Variants in RPN2 observed in about 807,000 individuals in gnomAD.
The protein encoded by RPN2 is ribophorin II.
RPN2 carries 29 observed loss-of-function variants against 71.4 expected under a neutral mutation model. The ratio of observed to expected loss-of-function variants is 0.41; its 90% confidence interval spans 0.30 to 0.55. The LOEUF (loss-of-function observed/expected upper bound fraction) is 0.55. RPN2 is among the 20% of genes least tolerant of loss of function. The probability of loss-of-function intolerance (pLI) is 0.35; values close to 1 mark genes in which losing one functional copy is unlikely to be tolerated. For missense variants in RPN2, 726 were observed against 774.1 expected (o/e 0.94, Z 0.74); for synonymous variants, 308 against 305.0 (o/e 1.01, Z -0.10).
chr20:37,236,758 A>G, intron 16 of RPN2, 49 bp downstream of exon 16: 1 of 1,580,086 alleles, frequency 6.3e-7, no homozygotes, highest in South Asian at 1.1e-5. Context: ...AGAAATACTC[A>G]GCTCTGCCGG....
intron 8 of RPN2, 49 bp from the exon 9 acceptor site, chr20:37,213,711 A>T: frequency 7.1e-7 from 1 of 1,401,504 alleles, no homozygotes; most frequent in Non-Finnish European, 1.0e-6. Context: ...TGTTATATCC[A>T]TGACTTTCCT....
chr20:37,197,790 G>C (rs923969616), intron 2 of RPN2, among the ~76,000 whole-genome samples: 1 of 151,956 alleles, frequency 6.6e-6, no homozygotes, highest in Non-Finnish European at 1.5e-5. Flanking sequence ...TGGAGATGGG[G>C]TCTTACCATG....
rs539771131 is a variant in RPN2, at chr20:37,180,295, G to A, written c.13+926G>A. 5.3e-5 allele frequency among the ~76,000 whole-genome samples: 8 copies of A among 152,340 alleles called. No individual in the cohort carries two copies. In the South Asian group the frequency reaches 1.7e-3, roughly 32 times the overall value. ...AGACTTTGGATTCAAATTGCCTGAA[G>A]TTTGATTTTCAGTGATGTGTCCTAG... On this transcript the variant is annotated intron_variant, in intron 1 of 16. Coordinates refer to ENST00000237530, the MANE Select transcript of RPN2 (RefSeq NM_002951.5).
chr20:37,218,592 G>C (rs575904583), intron 9 of RPN2, among the ~76,000 whole-genome samples: 1 of 151,794 alleles, frequency 6.6e-6, no homozygotes, highest in South Asian at 2.1e-4. Context: ...AGTGTTTTTA[G>C]TATTTTCACA....
chr20:37,226,084 C>G (rs2068068641), intron 11 of RPN2, among the ~76,000 whole-genome samples: 1 of 152,124 alleles, frequency 6.6e-6, no homozygotes, highest in African/African-American at 2.4e-5. Flanking sequence ...CTTCCTCCCT[C>G]CCTCCCTCAG....
intron 16 of RPN2, among the ~76,000 whole-genome samples, chr20:37,236,949 GA>G (rs1001412440): frequency 6.0e-4 from 36 of 59,546 alleles, no homozygotes; most frequent in Admixed American, 1.7e-3. Context: ...AATGAGAGAG[GA>G]AAATTATTAG....
rs144948105 is a variant in RPN2 at position 37,210,089 on chromosome 20, A to G, written c.910A>G (p.Thr304Ala). 3.1e-6 allele frequency: 5 copies of G among 1,614,030 alleles called. No individual in the cohort carries two copies. In the African/African-American group the frequency reaches 5.3e-5, roughly 17 times the overall value. The change falls in exon 8 of 17, where the codon ACT becomes GCT. Residue 304 changes from threonine (T) to alanine (A), a missense_variant. By Grantham distance (58) the Thr-to-Ala change is moderately conservative. Transcript: ENST00000237530. ...NVLSQPLTQATVKLEHAKSVA... is the reference protein window; with the variant it reads ...NVLSQPLTQAAVKLEHAKSVA... ...TCTGTCTCAGCCTCTGACTCAGGCC[A>G]CTGTTAAACTAGAACATGCTAAATC...
chr20:37,225,121 C>G (rs2068047496), intron 10 of RPN2, among the ~76,000 whole-genome samples: 2 of 152,176 alleles, frequency 1.3e-5, no homozygotes, highest in South Asian at 4.1e-4. Flanking sequence ...AAGTTTTCCT[C>G]ATCAAGTCTG....
intron 2 of RPN2, among the ~76,000 whole-genome samples, chr20:37,194,255 ATTG>A (rs71843863): frequency 0.74 from 110,924 of 150,038 alleles, 41,457 homozygotes; most frequent in Middle Eastern, 0.85. Context: ...GTTGAGGGAA[ATTG>A]TTGTTGTTGT....
At chr20:37,210,021 A>G (rs2067619197) in intron 7 of RPN2, 26 bp from the exon 8 acceptor site, 2 of 1,611,974 alleles carry the variant, frequency 1.2e-6, no homozygotes, top group Non-Finnish European at 1.7e-6. Context: ...CTTTGTTGTA[A>G]CAAATAATTT....
At chr20:37,240,356 A>G (rs2068520048) in intron 16 of RPN2, among the ~76,000 whole-genome samples, 1 of 152,258 alleles carries the variant, frequency 6.6e-6, no homozygotes, top group African/African-American at 2.4e-5. Context: ...TGTACCTAAG[A>G]ACCTCTGAAT....
At chr20:37,231,085 A>T (rs2068230857) in intron 13 of RPN2, among the ~76,000 whole-genome samples, 1 of 152,056 alleles carries the variant, frequency 6.6e-6, no homozygotes, top group Non-Finnish European at 1.5e-5. Context: ...TTGCATAATG[A>T]GTTACAGCTT....
At chr20:37,238,989 A>T (rs1385488133) in intron 16 of RPN2, among the ~76,000 whole-genome samples, 2 of 152,162 alleles carry the variant, frequency 1.3e-5, no homozygotes, top group African/African-American at 4.8e-5. Flanking sequence ...CACTCAGGGT[A>T]TGTTAAAAGG....
chr20:37,206,909 CTA>C (rs1399822545), intron 6 of RPN2, among the ~76,000 whole-genome samples: 5 of 152,148 alleles, frequency 3.3e-5, no homozygotes, highest in African/African-American at 9.6e-5. Flanking sequence ...GGGTTTTTCT[CTA>C]TGTTAGTCAG....
At chr20:37,194,891 G>A (rs1883509) in intron 2 of RPN2, among the ~76,000 whole-genome samples, 110,364 of 151,974 alleles carry the variant, frequency 0.73, 40,586 homozygotes, top group Middle Eastern at 0.85. Context: ...CCAGAGTAGC[G>A]GGGAGCTGTT....
chr20:37,238,743 T>C, intron 16 of RPN2: 1 of 648,980 alleles, frequency 1.5e-6, no homozygotes, highest in East Asian at 3.3e-5. Context: ...GGTACTTACT[T>C]ATTTATAGAC....
At position 37,187,501 on chromosome 20, in the gene RPN2, C is replaced by CAAAAAAAAAAAAAA. The variant is rs532495023; in HGVS notation, c.207+3134_207+3147dup. 8.0e-4 allele frequency among the ~76,000 whole-genome samples: 7 copies of CAAAAAAAAAAAAAA among 8,740 alleles called. 1 individual carries two copies. The highest frequency in any genetic ancestry group is 4.5e-3 in the African/African-American group (6 of 1,338). The allele number at this position is 8,740 out of a possible 152,430, so 5.7% of individuals were successfully genotyped here. ...TGGGCGACAGAGCGAGACTCCGTCT[C>CAAAAAAAAAAAAAA]AAAAAAAAAAAAAAAAAAAGATCAA... On this transcript the variant is annotated intron_variant, in intron 2 of 16. Transcript: ENST00000237530.
At position 37,241,459 on chromosome 20, in the gene RPN2, T is replaced by C; in HGVS notation, c.*144T>C. 1 of 992,498 alleles carries C rather than the reference T, an allele frequency of 1.0e-6. No homozygotes were observed. Among genetic ancestry groups the C allele is most frequent in the Non-Finnish European group, 1.5e-6 (1 of 658,274 alleles). The allele number at this position is 992,498 out of a possible 1,614,324, so 61.5% of individuals were successfully genotyped here. A position where few individuals can be genotyped will look rare whatever the true frequency, so the allele number is the denominator to read the frequency against. ...AGATTGTAGTTATACTTTTGCTTGT[T>C]TTTCAGTTTCCCCAACACACAGCAG... On this transcript the variant is annotated 3_prime_UTR_variant, in exon 17 of 17. Transcript: ENST00000237530.
At position 37,199,030 on chromosome 20, in the gene RPN2, G is replaced by A; in HGVS notation, c.304-20G>A. The A allele has an allele frequency of 1.2e-6, 2 of 1,605,482 alleles. No individual in the cohort carries two copies. The highest frequency in any genetic ancestry group is 1.3e-5 in the African/African-American group (1 of 74,868). ...GCCAAGACCTGTTCTAAAACTCTGT[G>A]TCTGCCAATTCTTTCTTAGATCTCT... On this transcript the variant is annotated intron_variant, in intron 3 of 16. Coordinates refer to ENST00000237530, the MANE Select transcript of RPN2 (RefSeq NM_002951.5).
Sources: gnomAD v4.1 joint callset for allele counts (sites outside exome capture counted in the v4.1 genomes callset) on GRCh38, gnomAD v4.1.1 for gene constraint, MANE v1.5 for transcripts, NCBI Gene and HGNC (gene_info 2026-07-23, HGNC 2026-07-21) for gene names.